GPC6: variants seen among roughly 807,000 people sequenced by gnomAD.
The protein encoded by GPC6 is glypican 6.
In GPC6, 14 loss-of-function variants were observed where a neutral mutation model predicts 55.2. That is an observed-to-expected ratio of 0.25 (90% CI 0.17 to 0.40). The LOEUF is 0.40. GPC6 is among the 10% of genes least tolerant of loss of function. The pLI, the probability that GPC6 is intolerant of heterozygous loss-of-function variation, is 1.00. For synonymous variants in GPC6, 278 were observed against 259.6 expected (o/e 1.07, Z -0.68); for missense variants, 641 against 708.5 (o/e 0.90, Z 1.08).
At chr13:93,523,666 A>C (rs1263708477) in intron 1 of GPC6, among the ~76,000 whole-genome samples, 1 of 152,014 alleles carries the variant, frequency 6.6e-6, no homozygotes, top group Non-Finnish European at 1.5e-5. Flanking sequence ...TGAAAGACAA[A>C]GATTCAAATG....
At chr13:93,877,835 G>A (rs566711844) in intron 3 of GPC6, among the ~76,000 whole-genome samples, 72 of 152,062 alleles carry the variant, frequency 4.7e-4, no homozygotes, top group African/African-American at 1.4e-3. Context: ...AATCCTTTTC[G>A]TTGATTACAT....
At chr13:93,412,290 C>T (rs779105637) in intron 1 of GPC6, among the ~76,000 whole-genome samples, 61 of 152,092 alleles carry the variant, frequency 4.0e-4, no homozygotes, top group Admixed American at 3.9e-4. Flanking sequence ...CTTTTCAAGA[C>T]AATAGTATTA....
At chr13:93,635,707 G>A (rs1026629336) in intron 2 of GPC6, among the ~76,000 whole-genome samples, 1 of 152,326 alleles carries the variant, frequency 6.6e-6, no homozygotes, top group Non-Finnish European at 1.5e-5. Flanking sequence ...CTGGCATGAT[G>A]TGGTGAGATT....
At chr13:93,698,368 A>C (rs1882535354) in intron 2 of GPC6, among the ~76,000 whole-genome samples, 2 of 151,972 alleles carry the variant, frequency 1.3e-5, no homozygotes. Flanking sequence ...CCCTGTGGAG[A>C]ACTGTTTTTA....
At chr13:93,556,372 TAG>T (rs1491153377) in intron 2 of GPC6, among the ~76,000 whole-genome samples, 3 of 38,834 alleles carry the variant, frequency 7.7e-5, no homozygotes, top group Non-Finnish European at 9.7e-5. Flanking sequence ...TGTGGGTAAA[TAG>T]TGTGTGTGTG....
At chr13:93,939,681 CT>C (rs1279787873) in intron 3 of GPC6, among the ~76,000 whole-genome samples, 2 of 151,968 alleles carry the variant, frequency 1.3e-5, no homozygotes, top group African/African-American at 4.8e-5. Context: ...AGCTCCTCAG[CT>C]CAAAGAATCC....
At chr13:93,751,593 C>T (rs1459623189) in intron 2 of GPC6, among the ~76,000 whole-genome samples, 1 of 152,012 alleles carries the variant, frequency 6.6e-6, no homozygotes, top group Non-Finnish European at 1.5e-5. Context: ...GCAATGACAG[C>T]CCACTGCAGC....
chr13:93,382,270 G>T (rs568397849), intron 1 of GPC6, among the ~76,000 whole-genome samples: 171 of 152,238 alleles, frequency 1.1e-3, no homozygotes, highest in Non-Finnish European at 1.8e-3. Flanking sequence ...TCCTAGAAAT[G>T]ATATAATAGA....
chr13:93,607,664 G>A (rs914365003), intron 2 of GPC6, among the ~76,000 whole-genome samples: 142 of 152,216 alleles, frequency 9.3e-4, no homozygotes, highest in African/African-American at 3.1e-3. Flanking sequence ...AAGACCCCTC[G>A]GTCAGCTGGA....
intron 3 of GPC6, among the ~76,000 whole-genome samples, chr13:93,938,931 G>A (rs1342838280): frequency 1.3e-5 from 2 of 151,840 alleles, no homozygotes; most frequent in Non-Finnish European, 2.9e-5. Context: ...GTGAAACCCC[G>A]TCTCTACTAA....
In GPC6 at chr13:93,847,041, C is replaced by T. The variant is rs577123416; in HGVS notation, c.711+16496C>T. Among the ~76,000 whole-genome samples the T allele has an allele frequency of 6.6e-5, 10 of 152,156 alleles. No homozygotes were observed. The South Asian group carries it at 2.1e-3, about 32-fold the overall frequency. ...TACACAAGGAAAATGGAGAAATATTCTGTCTTTTCATAATGCATTTTTGTC... is the reference window on the plus strand; with the variant it reads ...TACACAAGGAAAATGGAGAAATATTTTGTCTTTTCATAATGCATTTTTGTC... On this transcript the variant is annotated intron_variant, in intron 3 of 8. Transcript: ENST00000377047.
intron 3 of GPC6, among the ~76,000 whole-genome samples, chr13:93,870,663 A>G (rs1889103133): frequency 6.6e-6 from 1 of 151,822 alleles, no homozygotes; most frequent in South Asian, 2.1e-4. Context: ...GTTAGTCCAA[A>G]TCCAATATGA....
chr13:93,744,526 G>GTAT (rs1884319614), intron 2 of GPC6, among the ~76,000 whole-genome samples: 1 of 36,760 alleles, frequency 2.7e-5, no homozygotes, highest in Non-Finnish European at 4.6e-5. Flanking sequence ...GCTTTCCCTA[G>GTAT]TCTTTTTTTT....
At chr13:93,412,608 G>C (rs991971242) in intron 1 of GPC6, among the ~76,000 whole-genome samples, 4 of 152,162 alleles carry the variant, frequency 2.6e-5, no homozygotes, top group African/African-American at 4.8e-5. Context: ...AGTGGGCAGA[G>C]ATTGCACTAC....
chr13:94,208,856 G>C (rs1889986833), intron 4 of GPC6, among the ~76,000 whole-genome samples: 1 of 151,344 alleles, frequency 6.6e-6, no homozygotes, highest in South Asian at 2.1e-4. Flanking sequence ...GAGCCCAGGA[G>C]CTCAAGGCTG....
chr13:94,072,220 A>C (rs529312254), intron 4 of GPC6, among the ~76,000 whole-genome samples: 2 of 152,212 alleles, frequency 1.3e-5, no homozygotes, highest in East Asian at 1.9e-4. Flanking sequence ...TATATAACCT[A>C]TGCACAATTA....
At chr13:94,276,389 A>C (rs1465659259) in intron 4 of GPC6, among the ~76,000 whole-genome samples, 3 of 152,062 alleles carry the variant, frequency 2.0e-5, no homozygotes, top group Admixed American at 1.3e-4. Context: ...AAAGGGGAGA[A>C]TCCTTGTTTA....
intron 2 of GPC6, among the ~76,000 whole-genome samples, chr13:93,659,161 T>G (rs140643157): frequency 3.7e-4 from 57 of 152,068 alleles, no homozygotes; most frequent in African/African-American, 1.3e-3. Context: ...TTAATCATGA[T>G]AGCCCATTAT....
intron 1 of GPC6, 107 bp from the exon 2 acceptor site, chr13:93,545,156 A>T (rs1180182595): frequency 2.2e-6 from 2 of 918,336 alleles, no homozygotes; most frequent in East Asian, 2.5e-5. Context: ...GGAGAAGTAG[A>T]TGGAACAAGC....
Sources: gnomAD v4.1 joint callset for allele counts (sites outside exome capture counted in the v4.1 genomes callset) on GRCh38, gnomAD v4.1.1 for gene constraint, MANE v1.5 for transcripts, NCBI Gene and HGNC (gene_info 2026-07-23, HGNC 2026-07-21) for gene names.